The following CLYBL variants were observed in gnomAD, a reference collection of about 807,000 sequenced individuals.
CLYBL encodes citramalyl-CoA lyase, mitochondrial.
Under a neutral mutation model 38.9 loss-of-function variants are expected in CLYBL, and 31 were observed. That is an observed-to-expected ratio of 0.80 (90% CI 0.60 to 1.08). CLYBL has a LOEUF of 1.08. Ranked by LOEUF, CLYBL falls within the 50% of genes least tolerant of loss-of-function variation. The pLI, the probability that CLYBL is intolerant of heterozygous loss-of-function variation, is 0.00. For synonymous variants in CLYBL, 171 were observed against 158.6 expected (o/e 1.08, Z -0.59); for missense variants, 434 against 411.6 (o/e 1.05, Z -0.47).
chr13:99,794,429 A>C (rs1330037362), intron 2 of CLYBL, among the ~76,000 whole-genome samples: 1 of 152,190 alleles, frequency 6.6e-6, no homozygotes, highest in Non-Finnish European at 1.5e-5. Context: ...TCAAGAAAAA[A>C]GATTCAAGTG....
chr13:99,835,060 G>A (rs2050903681), intron 2 of CLYBL, among the ~76,000 whole-genome samples: 1 of 152,070 alleles, frequency 6.6e-6, no homozygotes, highest in South Asian at 2.1e-4. Flanking sequence ...AGATTGCCAA[G>A]TAGTGCCAAA....
intron 2 of CLYBL, among the ~76,000 whole-genome samples, chr13:99,798,021 G>A (rs2050057361): frequency 6.6e-6 from 1 of 152,168 alleles, no homozygotes; most frequent in Non-Finnish European, 1.5e-5. Flanking sequence ...TTCAACTTGA[G>A]TGCCTGGATG....
At chr13:99,652,375 A>G (rs541861257) in intron 1 of CLYBL, among the ~76,000 whole-genome samples, 2 of 152,244 alleles carry the variant, frequency 1.3e-5, no homozygotes, top group East Asian at 3.9e-4. Context: ...GTCTGGTGTG[A>G]TTTGCCAAGT....
intron 1 of CLYBL, among the ~76,000 whole-genome samples, chr13:99,624,360 T>C (rs2046840351): frequency 2.0e-5 from 3 of 152,178 alleles, no homozygotes; most frequent in African/African-American, 7.2e-5. Context: ...CCATCACTAA[T>C]TATCTATTTG....
intron 2 of CLYBL, among the ~76,000 whole-genome samples, chr13:99,856,026 G>T (rs138098660): frequency 6.6e-6 from 1 of 152,294 alleles, no homozygotes; most frequent in African/African-American, 2.4e-5. Context: ...TTTTTTAAAT[G>T]CTGAGTATTC....
chr13:99,621,172 C>G (rs1004994655), intron 1 of CLYBL, among the ~76,000 whole-genome samples: 22 of 152,210 alleles, frequency 1.4e-4, no homozygotes, highest in Non-Finnish European at 2.8e-4. Flanking sequence ...ACGCTGTACT[C>G]TGATCATGGT....
chr13:99,733,926 A>G (rs1489499827), intron 1 of CLYBL, among the ~76,000 whole-genome samples: 2 of 152,216 alleles, frequency 1.3e-5, no homozygotes, highest in Non-Finnish European at 2.9e-5. Context: ...TTGTCTCACC[A>G]TCTTAAGGAA....
intron 1 of CLYBL, among the ~76,000 whole-genome samples, chr13:99,644,058 T>C (rs2047136238): frequency 6.6e-6 from 1 of 151,702 alleles, no homozygotes; most frequent in Admixed American, 6.6e-5. Context: ...TATTCAATTC[T>C]GAGCCCATCA....
intron 1 of CLYBL, among the ~76,000 whole-genome samples, chr13:99,771,795 T>G (rs2049401351): frequency 6.6e-6 from 1 of 152,204 alleles, no homozygotes; most frequent in Admixed American, 6.5e-5. Context: ...CAGCAGCTGC[T>G]GGTACTCCTG....
intron 1 of CLYBL, among the ~76,000 whole-genome samples, chr13:99,736,124 A>C (rs2048664561): frequency 7.4e-6 from 1 of 135,728 alleles, no homozygotes; most frequent in Admixed American, 8.8e-5. Flanking sequence ...GGCTCACTGC[A>C]ACCTCTGCCT....
intron 1 of CLYBL, among the ~76,000 whole-genome samples, chr13:99,700,546 C>T (rs960490537): frequency 3.9e-5 from 6 of 152,188 alleles, no homozygotes; most frequent in Non-Finnish European, 7.3e-5. Flanking sequence ...AGGCAAGTTC[C>T]GTCCTGTGGT....
intron 1 of CLYBL, among the ~76,000 whole-genome samples, chr13:99,607,436 A>G (rs2046545077): frequency 6.6e-6 from 1 of 152,206 alleles, no homozygotes; most frequent in Admixed American, 6.5e-5. Context: ...GCTCATGCAG[A>G]TGCAGATATT....
chr13:99,815,740 G>A (rs1476124095), intron 2 of CLYBL, among the ~76,000 whole-genome samples: 1 of 152,168 alleles, frequency 6.6e-6, no homozygotes, highest in African/African-American at 2.4e-5. Context: ...AGCCATGCAT[G>A]ATTGTGTGCA....
intron 1 of CLYBL, among the ~76,000 whole-genome samples, chr13:99,619,718 C>T (rs1594086079): frequency 6.6e-6 from 1 of 152,188 alleles, no homozygotes; most frequent in Non-Finnish European, 1.5e-5. Context: ...AGGCCCTTAT[C>T]TAGATTGTGC....
intron 1 of CLYBL, among the ~76,000 whole-genome samples, chr13:99,749,933 A>G (rs905134771): frequency 3.3e-5 from 5 of 152,362 alleles, no homozygotes; most frequent in East Asian, 1.9e-4. Flanking sequence ...GTAGGCCTCA[A>G]TTATCATAGA....
At chr13:99,750,368 T>C (rs2048932320) in intron 1 of CLYBL, among the ~76,000 whole-genome samples, 1 of 152,162 alleles carries the variant, frequency 6.6e-6, no homozygotes, top group South Asian at 2.1e-4. Context: ...GCCACAGCAT[T>C]TTTGTGTGGT....
chr13:99,644,098 T>G (rs1364285939), intron 1 of CLYBL, among the ~76,000 whole-genome samples: 1 of 152,066 alleles, frequency 6.6e-6, no homozygotes, highest in Non-Finnish European at 1.5e-5. Flanking sequence ...CTTTTGGTTT[T>G]TTATATGTGG....
intron 1 of CLYBL, among the ~76,000 whole-genome samples, chr13:99,719,021 T>C (rs1308283150): frequency 2.6e-5 from 4 of 151,732 alleles, no homozygotes; most frequent in Admixed American, 1.3e-4. Context: ...TTTGTATTTT[T>C]AGTAGAGATT....
chr13:99,846,679 G>T (rs2051213647), intron 2 of CLYBL, among the ~76,000 whole-genome samples: 7 of 152,224 alleles, frequency 4.6e-5, no homozygotes. Flanking sequence ...GCTGAAATTA[G>T]CATTGGCTCA....
Sources: gnomAD v4.1 joint callset for allele counts (sites outside exome capture counted in the v4.1 genomes callset) on GRCh38, gnomAD v4.1.1 for gene constraint, MANE v1.5 for transcripts, NCBI Gene and HGNC (gene_info 2026-07-23, HGNC 2026-07-21) for gene names.